MTRF1: variants seen among roughly 807,000 people sequenced by gnomAD.
The protein encoded by MTRF1 is peptide chain release factor 1, mitochondrial.
In MTRF1, 51 loss-of-function variants were observed where a neutral mutation model predicts 62.9. The observed-to-expected ratio is 0.81, with a 90% CI of 0.65 to 1.02. The LOEUF is 1.02. Among genes scored for constraint, MTRF1 ranks in the 50% least tolerant of loss-of-function variants. The pLI is 0.00. For missense variants in MTRF1, 446 were observed against 530.0 expected (o/e 0.84, Z 1.56); for synonymous variants, 158 against 181.9 (o/e 0.87, Z 1.06).
rs201523371 is a variant in MTRF1, at chr13:41,219,514, A to G, written c.1225-2286T>C. On this transcript the variant is annotated intron_variant, in intron 9 of 9. Transcript: ENST00000379480. Reference sequence around the variant, plus strand: ...CTAAGTAGAACAGCTAGACAAATACATAAGCATCACAAAACAATATAATAA... The same window carrying G: ...CTAAGTAGAACAGCTAGACAAATACGTAAGCATCACAAAACAATATAATAA... Among the ~76,000 whole-genome samples, 13 of 152,340 alleles carry G rather than the reference A, an allele frequency of 8.5e-5. No individual in the cohort carries two copies. The East Asian group carries it at 2.1e-3, about 25-fold the overall frequency.
intron 2 of MTRF1, among the ~76,000 whole-genome samples, chr13:41,259,303 A>G (rs1395204313): frequency 6.6e-6 from 1 of 152,250 alleles, no homozygotes; most frequent in Non-Finnish European, 1.5e-5. Context: ...ATCGTTATTT[A>G]TAATAACCAA....
intron 7 of MTRF1, among the ~76,000 whole-genome samples, chr13:41,228,569 A>AAAAG (rs1424267595): frequency 6.6e-6 from 1 of 152,156 alleles, no homozygotes; most frequent in Non-Finnish European, 1.5e-5. Flanking sequence ...ACCCAGTCTC[A>AAAAG]AAAGAAAGAA....
At chr13:41,243,447 G>T (rs562049721) in intron 5 of MTRF1, among the ~76,000 whole-genome samples, 3 of 148,880 alleles carry the variant, frequency 2.0e-5, no homozygotes, top group African/African-American at 7.4e-5. Flanking sequence ...CTTAAGTTCA[G>T]TGCTCTTCTC....
upstream of MTRF1, among the ~76,000 whole-genome samples, chr13:41,266,283 G>T (rs2040837753): frequency 6.6e-6 from 1 of 152,128 alleles, no homozygotes; most frequent in African/African-American, 2.4e-5. Context: ...TGTTATGGCA[G>T]CCAAGTTATT....
intron 1 of MTRF1, chr13:41,263,203 T>C: frequency 1.7e-6 from 2 of 1,186,166 alleles, no homozygotes; most frequent in Non-Finnish European, 2.2e-6. Context: ...TGCATAATTT[T>C]CAAGGTCATG....
At chr13:41,261,371 A>G (rs1305298955) in intron 1 of MTRF1, 2 of 22,856 alleles carry the variant, frequency 8.8e-5, no homozygotes, top group African/African-American at 2.5e-4. Context: ...CAGAAAGAAC[A>G]TAATTCTTCA....
chr13:41,260,376 T>C (rs933247042), intron 2 of MTRF1, 117 bp downstream of exon 2: 1 of 1,032,720 alleles, frequency 9.7e-7, no homozygotes, highest in Non-Finnish European at 1.4e-6. Context: ...AAACAAAGAC[T>C]AAGTTCAATA....
At chr13:41,263,279 G>A (rs746951862) in intron 1 of MTRF1, 13 of 1,289,236 alleles carry the variant, frequency 1.0e-5, no homozygotes, top group Non-Finnish European at 1.3e-5. Context: ...CTACACCTGA[G>A]AACAGCACGA....
the MTRF1 span, among the ~76,000 whole-genome samples, chr13:41,282,203 A>T: frequency 6.6e-6 from 1 of 152,128 alleles, no homozygotes; most frequent in African/African-American, 2.4e-5. Context: ...AGCTGGTAAG[A>T]ATAGGCTAAT....
chr13:41,261,882 C>A, intron 1 of MTRF1: 1 of 601,692 alleles, frequency 1.7e-6, no homozygotes, highest in Non-Finnish European at 2.1e-6. Flanking sequence ...TGGTGAAAAG[C>A]TCTACAGTTA....
chr13:41,245,249 CTT>C (rs35926535), intron 5 of MTRF1, among the ~76,000 whole-genome samples: 1 of 147,714 alleles, frequency 6.8e-6, no homozygotes. Flanking sequence ...CTTCATATTG[CTT>C]TTTTTTTTTG....
chr13:41,284,336 A>G, the MTRF1 span, among the ~76,000 whole-genome samples: 1 of 151,702 alleles, frequency 6.6e-6, no homozygotes, highest in East Asian at 2.0e-4. Flanking sequence ...AAAAAAAAAA[A>G]AAATGCAAAA....
the MTRF1 span, among the ~76,000 whole-genome samples, chr13:41,302,673 G>A: frequency 1.3e-5 from 2 of 151,774 alleles, no homozygotes; most frequent in Admixed American, 1.3e-4. Context: ...GAGACCACAG[G>A]TGTGCACCAC....
chr13:41,305,547 C>T, the MTRF1 span, among the ~76,000 whole-genome samples: 2 of 152,196 alleles, frequency 1.3e-5, no homozygotes, highest in African/African-American at 4.8e-5. Context: ...CTTTACTTCT[C>T]CTGCGCTACA....
At chr13:41,227,147 C>A (rs958143841) in intron 7 of MTRF1, among the ~76,000 whole-genome samples, 1 of 151,836 alleles carries the variant, frequency 6.6e-6, no homozygotes, top group African/African-American at 2.4e-5. Context: ...ATTAGCCAGG[C>A]GTGGTGGCAT....
At position 41,226,516 on chromosome 13, in the gene MTRF1, T is replaced by A; in HGVS notation, c.1041A>T (p.Ile347=). The A allele has an allele frequency of 6.2e-7, 1 of 1,613,922 alleles. No individual in the cohort carries two copies. The stretch of plus-strand genomic sequence containing the variant: ...GTCTAGCTCTCAACACACGAAAGGC[T>A]ATTTCTTTATTTTTTATCTGTGATC... ...QERSQIKNKE[I]AFRVLRARLY... The change falls in exon 8 of 10, where the codon ATA becomes ATT. Residue 347 remains isoleucine, a synonymous_variant. Coordinates refer to ENST00000379480, the MANE Select transcript of MTRF1 (RefSeq NM_004294.4).
At chr13:41,227,577 T>C (rs2034680805) in intron 7 of MTRF1, among the ~76,000 whole-genome samples, 1 of 152,150 alleles carries the variant, frequency 6.6e-6, no homozygotes, top group Non-Finnish European at 1.5e-5. Flanking sequence ...TGAGGCTGTG[T>C]TGTTCTTAAC....
intron 5 of MTRF1, among the ~76,000 whole-genome samples, chr13:41,245,716 C>T (rs1322135609): frequency 6.6e-6 from 1 of 152,072 alleles, no homozygotes; most frequent in Non-Finnish European, 1.5e-5. Context: ...GTTTATTTTT[C>T]TGTGAGATTA....
the MTRF1 span, among the ~76,000 whole-genome samples, chr13:41,306,087 C>G: frequency 6.6e-6 from 1 of 151,834 alleles, no homozygotes; most frequent in Non-Finnish European, 1.5e-5. Context: ...CTTTCTTTCT[C>G]GGAAAAAAGA....
Sources: gnomAD v4.1 joint callset for allele counts (sites outside exome capture counted in the v4.1 genomes callset) on GRCh38, gnomAD v4.1.1 for gene constraint, MANE v1.5 for transcripts, NCBI Gene and HGNC (gene_info 2026-07-23, HGNC 2026-07-21) for gene names.